The following LRFN2 variants were observed in gnomAD, a reference collection of about 807,000 sequenced individuals.
The protein encoded by LRFN2 is leucine-rich repeat and fibronectin type-III domain-containing protein 2.
Under a neutral mutation model 37.3 loss-of-function variants are expected in LRFN2, and 18 were observed. The observed-to-expected ratio is 0.48, with a 90% CI of 0.33 to 0.72. LRFN2 has a LOEUF of 0.72. LRFN2 is among the 30% of genes least tolerant of loss of function. The pLI, the probability that LRFN2 is intolerant of heterozygous loss-of-function variation, is 0.02. For synonymous variants in LRFN2, 556 were observed against 466.6 expected (o/e 1.19, Z -2.47); for missense variants, 1,006 against 1,060.7 (o/e 0.95, Z 0.72).
At chr6:40,569,161 G>A (rs1291495543) in intron 1 of LRFN2, among the ~76,000 whole-genome samples, 3 of 152,218 alleles carry the variant, frequency 2.0e-5, no homozygotes, top group Non-Finnish European at 2.9e-5. Flanking sequence ...AGGGAGCTGG[G>A]AGGCAGGAAG....
chr6:40,474,787 G>C lies in LRFN2; in HGVS notation c.-18-41656C>G, dbSNP rs370729044. 1.9e-4 allele frequency among the ~76,000 whole-genome samples: 29 copies of C among 152,250 alleles called. No homozygotes were observed. In the East Asian group the frequency reaches 2.7e-3, roughly 14 times the overall value. ...TTACAGTTGTGAGTCACTGCACCCAGCCCATAATGATTTCATTTTGAGATC... is the reference window on the plus strand; with the variant it reads ...TTACAGTTGTGAGTCACTGCACCCACCCCATAATGATTTCATTTTGAGATC... On this transcript the variant is annotated intron_variant, in intron 1 of 2. Transcript: ENST00000338305.
At chr6:40,567,973 A>G (rs1390922059) in intron 1 of LRFN2, among the ~76,000 whole-genome samples, 2 of 152,168 alleles carry the variant, frequency 1.3e-5, no homozygotes, top group African/African-American at 2.4e-5. Flanking sequence ...TGCCCAAACT[A>G]ATAGCTCTAC....
rs565728770 is a variant in LRFN2, at chr6:40,565,217, G to C, written c.-19+21724C>G. 2.0e-5 allele frequency among the ~76,000 whole-genome samples: 3 copies of C among 152,246 alleles called. No individual in the cohort carries two copies. The South Asian group carries it at 6.2e-4, about 32-fold the overall frequency. The stretch of plus-strand genomic sequence containing the variant: ...TCTTCAAGGAGAACTACAAACCACT[G>C]CTCAATGAAATAAAAGAGGATACAA... On this transcript the variant is annotated intron_variant, in intron 1 of 2. Coordinates refer to ENST00000338305, the MANE Select transcript of LRFN2 (RefSeq NM_020737.3).
chr6:40,538,404 A>C (rs1001618958), intron 1 of LRFN2, among the ~76,000 whole-genome samples: 5 of 151,486 alleles, frequency 3.3e-5, no homozygotes, highest in African/African-American at 1.2e-4. Context: ...AGCCACCCCC[A>C]CCCCAGCTCA....
At position 40,512,109 on chromosome 6, in the gene LRFN2, T is replaced by C. The variant is rs561734654; in HGVS notation, c.-19+74832A>G. The stretch of plus-strand genomic sequence containing the variant: ...CCAACCCTGCCCAGGTTCCCAGGTT[T>C]TCTGTGCACACTGACCATAGTCTCC... On this transcript the variant is annotated intron_variant, in intron 1 of 2. Coordinates refer to ENST00000338305, the MANE Select transcript of LRFN2 (RefSeq NM_020737.3). Among the ~76,000 whole-genome samples the C allele has an allele frequency of 5.9e-5, 9 of 152,308 alleles. No individual in the cohort carries two copies. In the East Asian group the frequency reaches 1.7e-3, roughly 29 times the overall value.
chr6:40,547,329 T>A (rs1027661976), intron 1 of LRFN2, among the ~76,000 whole-genome samples: 1 of 152,090 alleles, frequency 6.6e-6, no homozygotes, highest in Non-Finnish European at 1.5e-5. Flanking sequence ...GGTCTCGAAC[T>A]CCTGACCTCA....
At chr6:40,411,019 TGGA>T (rs1762954368) in intron 2 of LRFN2, among the ~76,000 whole-genome samples, 1 of 152,252 alleles carries the variant, frequency 6.6e-6, no homozygotes, top group African/African-American at 2.4e-5. Context: ...CCAGGGTCCC[TGGA>T]GGATGGCCAT....
intron 2 of LRFN2, among the ~76,000 whole-genome samples, chr6:40,429,747 C>T (rs1356960031): frequency 6.6e-6 from 1 of 152,152 alleles, no homozygotes; most frequent in Non-Finnish European, 1.5e-5. Flanking sequence ...AAATATCCCT[C>T]ACTGTATTAC....
chr6:40,401,911 AGGCTTCCCCTACCCGACCCCT>A, intron 2 of LRFN2, among the ~76,000 whole-genome samples: 1 of 152,152 alleles, frequency 6.6e-6, no homozygotes, highest in Non-Finnish European at 1.5e-5. Flanking sequence ...GGGCCACATC[AGGCTTCCCCTACCCGACCCCT>A]GGCTCTCTGT....
intron 1 of LRFN2, among the ~76,000 whole-genome samples, chr6:40,572,262 C>T (rs1209894619): frequency 2.0e-5 from 3 of 152,122 alleles, no homozygotes; most frequent in African/African-American, 7.2e-5. Context: ...ATAATAAGTA[C>T]AAAGGGCTTA....
In LRFN2 at chr6:40,392,514, G is replaced by A. The variant is rs1372904352; in HGVS notation, c.1799C>T (p.Pro600Leu). 18 of 1,587,304 alleles carry A rather than the reference G, an allele frequency of 1.1e-5. No individual in the cohort carries two copies. The highest frequency in any genetic ancestry group is 4.0e-5 in the African/African-American group (3 of 74,300). The stretch of plus-strand genomic sequence containing the variant: ...GAGCTCGTTGCGCACCACCACCTTC[G>A]GCGGGCCCTGCGGCGGGGCCCCGGC... The part of the protein sequence containing the change: ...APAGAPPQGP[P>L]KVVVRNELLD... The change falls in exon 3 of 3, where the codon CCG becomes CTG. Residue 600 changes from proline to leucine, a missense_variant. Pro to Leu is a moderately conservative substitution (Grantham distance 98, BLOSUM62 -3). Coordinates refer to ENST00000338305, the MANE Select transcript of LRFN2 (RefSeq NM_020737.3). This position sits in a 1 kb window ranked among gnomAD's most constrained non-coding sequence, Gnocchi z 4.7.
intron 1 of LRFN2, among the ~76,000 whole-genome samples, chr6:40,458,068 A>G (rs913529805): frequency 1.3e-5 from 2 of 152,148 alleles, no homozygotes; most frequent in East Asian, 1.9e-4. Flanking sequence ...ATAAATAAAC[A>G]TTTGTTGTGT....
chr6:40,568,482 T>C (rs1356230066), intron 1 of LRFN2, among the ~76,000 whole-genome samples: 1 of 152,204 alleles, frequency 6.6e-6, no homozygotes, highest in Non-Finnish European at 1.5e-5. Flanking sequence ...AAAAAAGTTA[T>C]GTATGTGGGT....
At chr6:40,485,967 G>A (rs2113866488) in intron 1 of LRFN2, among the ~76,000 whole-genome samples, 1 of 152,338 alleles carries the variant, frequency 6.6e-6, no homozygotes, top group East Asian at 1.9e-4. Context: ...CTGGAGCTCA[G>A]CCCCCCTGGG....
chr6:40,428,396 A>G (rs1364193273), intron 2 of LRFN2, among the ~76,000 whole-genome samples: 3 of 152,260 alleles, frequency 2.0e-5, no homozygotes, highest in African/African-American at 4.8e-5. Context: ...CTTCAGATAC[A>G]GACCTCTCCT....
At chr6:40,527,163 ATCT>A (rs1244620312) in intron 1 of LRFN2, among the ~76,000 whole-genome samples, 2 of 152,228 alleles carry the variant, frequency 1.3e-5, no homozygotes, top group African/African-American at 2.4e-5. Flanking sequence ...ATGGAAATTG[ATCT>A]TCTTTGCACT....
chr6:40,411,005 CACACCAGGG>C (rs1762953806), intron 2 of LRFN2, among the ~76,000 whole-genome samples: 1 of 152,256 alleles, frequency 6.6e-6, no homozygotes, highest in African/African-American at 2.4e-5. Context: ...CCATTAATTG[CACACCAGGG>C]TCCCTGGAGG....
chr6:40,441,410 T>C (rs980532783), intron 1 of LRFN2, among the ~76,000 whole-genome samples: 1 of 151,952 alleles, frequency 6.6e-6, no homozygotes. Context: ...CTCACATGAA[T>C]GGAGGTGAGT....
intron 1 of LRFN2, among the ~76,000 whole-genome samples, chr6:40,507,722 G>C (rs1354208990): frequency 1.3e-5 from 2 of 152,194 alleles, no homozygotes; most frequent in Non-Finnish European, 2.9e-5. Context: ...GCTGGCGACA[G>C]CTTGTTTTGT....
Sources: gnomAD v4.1 joint callset for allele counts (sites outside exome capture counted in the v4.1 genomes callset) on GRCh38, gnomAD v4.1.1 for gene constraint, Gnocchi (gnomAD v3.1) non-coding constraint, MANE v1.5 for transcripts, NCBI Gene and HGNC (gene_info 2026-07-23, HGNC 2026-07-21) for gene names.